TNKS: variants seen among roughly 807,000 people sequenced by gnomAD.
TNKS encodes the protein poly [ADP-ribose] polymerase tankyrase-1.
In TNKS, 72 loss-of-function variants were observed where a neutral mutation model predicts 135.8. That is an observed-to-expected ratio of 0.53 (90% confidence interval 0.44 to 0.64). The LOEUF (loss-of-function observed/expected upper bound fraction) is 0.64. TNKS is among the 30% of genes least tolerant of loss of function. The pLI, the probability that TNKS is intolerant of heterozygous loss-of-function variation, is 0.00. For synonymous variants in TNKS, 849 were observed against 649.3 expected, an observed-to-expected ratio of 1.31 and a Z score of -4.68; for missense variants, 1,769 against 1,674.0, an observed-to-expected ratio of 1.06 and a Z score of -0.99.
chr8:9,747,200 A>T (rs965621008), intron 17 of TNKS, among the ~76,000 whole-genome samples: 1 of 151,968 alleles, frequency 6.6e-6, no homozygotes, highest in Non-Finnish European at 1.5e-5. Context: ...AAACTTTTAC[A>T]ACTCAATTTC....
At chr8:9,731,141 AT>A (rs923514365) in intron 14 of TNKS, 106 bp downstream of exon 14, 13 of 1,295,520 alleles carry the variant, frequency 1.0e-5, no homozygotes, top group Admixed American at 6.5e-5. Flanking sequence ...AGTAATCGTT[AT>A]TTTTTGTTTA....
At chr8:9,695,982 C>T (rs1803494369) in intron 5 of TNKS, among the ~76,000 whole-genome samples, 1 of 152,150 alleles carries the variant, frequency 6.6e-6, no homozygotes, top group African/African-American at 2.4e-5. Flanking sequence ...AGAAGTCTTA[C>T]ATATATCATG....
intron 12 of TNKS, 146 bp from the exon 13 acceptor site, chr8:9,726,495 A>G (rs904732616): frequency 6.9e-6 from 4 of 576,516 alleles, no homozygotes; most frequent in Non-Finnish European, 9.0e-6. Flanking sequence ...AAGTTTTGCT[A>G]CAACATTTAG....
intron 1 of TNKS, among the ~76,000 whole-genome samples, chr8:9,571,756 G>A (rs961876632): frequency 1.4e-4 from 22 of 152,090 alleles, no homozygotes; most frequent in African/African-American, 4.8e-4. Flanking sequence ...GAGCCACCGC[G>A]CCCGGGGATT....
At chr8:9,665,961 C>T (rs1362216904) in intron 3 of TNKS, among the ~76,000 whole-genome samples, 1 of 152,092 alleles carries the variant, frequency 6.6e-6, no homozygotes, top group Non-Finnish European at 1.5e-5. Context: ...CTCTCTTCTT[C>T]CTCCCCTCCT....
chr8:9,668,661 A>T (rs1217395884), intron 3 of TNKS, among the ~76,000 whole-genome samples: 2 of 152,208 alleles, frequency 1.3e-5, no homozygotes, highest in African/African-American at 4.8e-5. Context: ...GAAGGAAGTT[A>T]TGTGTAAGTT....
rs1798333184 is a variant in TNKS at position 9,585,351 on chromosome 8, G to A, written c.898+4968G>A. Among the ~76,000 whole-genome samples, 5 of 151,096 alleles carry A rather than the reference G, an allele frequency of 3.3e-5. No individual in the cohort carries two copies. In the South Asian group the frequency reaches 1.0e-3, roughly 31 times the overall value. The stretch of plus-strand genomic sequence containing the variant: ...ACGTGATATGAGTTTCAGAGGCAGG[G>A]GAAAAAAGAAAAAAAAGTCTGATGG... On this transcript the variant is annotated intron_variant, in intron 2 of 26. Transcript: ENST00000310430.
At chr8:9,621,214 C>G (rs527577492) in intron 3 of TNKS, among the ~76,000 whole-genome samples, 2 of 151,910 alleles carry the variant, frequency 1.3e-5, no homozygotes, top group South Asian at 2.1e-4. Flanking sequence ...TCAGATGGCT[C>G]TTATGATTGA....
intron 7 of TNKS, 104 bp from the exon 8 acceptor site, chr8:9,706,707 T>A: frequency 2.7e-6 from 3 of 1,102,594 alleles, no homozygotes; most frequent in Non-Finnish European, 3.8e-6. Context: ...AACACTTATT[T>A]GAACAAGTTA....
chr8:9,679,281 C>T (rs567822684), intron 3 of TNKS, among the ~76,000 whole-genome samples: 8 of 152,110 alleles, frequency 5.3e-5, no homozygotes, highest in Non-Finnish European at 8.8e-5. Flanking sequence ...AAGATTACAG[C>T]ATGTCAGAAT....
In TNKS at chr8:9,657,025, T is replaced by C. The variant is rs1198997710; in HGVS notation, c.995-22926T>C. On this transcript the variant is annotated intron_variant, in intron 3 of 26. Coordinates refer to ENST00000310430, the MANE Select transcript of TNKS (RefSeq NM_003747.3). ...AAAGTCTCCCATGTCTACTTCTTTC[T>C]ACACAGACACGGCAACCATCCGATT... 5.6e-5 allele frequency among the ~76,000 whole-genome samples: 7 copies of C among 125,126 alleles called. No homozygotes were observed. The South Asian group carries it at 1.3e-3, about 23-fold the overall frequency. The allele number at this position is 125,126 out of a possible 152,430, so 82.1% of individuals were successfully genotyped here. A position where few individuals can be genotyped will look rare whatever the true frequency, so the allele number is the denominator to read the frequency against.
intron 5 of TNKS, among the ~76,000 whole-genome samples, chr8:9,682,589 A>G (rs569540041): frequency 6.6e-6 from 1 of 152,112 alleles, no homozygotes; most frequent in South Asian, 2.1e-4. Flanking sequence ...TAAAGTTCAT[A>G]AATATCTTTT....
intron 3 of TNKS, among the ~76,000 whole-genome samples, chr8:9,651,069 C>T (rs1268467176): frequency 1.3e-5 from 2 of 152,098 alleles, no homozygotes; most frequent in East Asian, 3.8e-4. Context: ...TTGTTAACTA[C>T]GGTGTCCTTT....
intron 11 of TNKS, among the ~76,000 whole-genome samples, chr8:9,715,008 C>A (rs1223608079): frequency 2.0e-5 from 3 of 151,980 alleles, no homozygotes; most frequent in East Asian, 3.9e-4. Context: ...AAGGAAAGAT[C>A]CTTTGAGGAT....
intron 12 of TNKS, among the ~76,000 whole-genome samples, chr8:9,722,197 C>G (rs1356256657): frequency 1.3e-5 from 2 of 151,788 alleles, no homozygotes; most frequent in Non-Finnish European, 2.9e-5. Flanking sequence ...AAACATGACC[C>G]CACAGATTTC....
intron 2 of TNKS, among the ~76,000 whole-genome samples, chr8:9,606,456 C>G (rs1403950447): frequency 6.6e-6 from 1 of 152,048 alleles, no homozygotes; most frequent in Non-Finnish European, 1.5e-5. Flanking sequence ...ACTGCACTGT[C>G]TTGATTACTA....
chr8:9,625,810 T>G (rs1394167918), intron 3 of TNKS, among the ~76,000 whole-genome samples: 17 of 152,194 alleles, frequency 1.1e-4, no homozygotes, highest in Admixed American at 1.1e-3. Flanking sequence ...TAGGACAAAG[T>G]TCATGGCTCA....
chr8:9,724,916 A>T (rs1234404040), intron 12 of TNKS, among the ~76,000 whole-genome samples: 1 of 152,194 alleles, frequency 6.6e-6, no homozygotes, highest in Admixed American at 6.5e-5. Context: ...TGCCATATTA[A>T]ATGTATCCTT....
intron 17 of TNKS, among the ~76,000 whole-genome samples, chr8:9,745,119 C>G (rs1806169465): frequency 6.6e-6 from 1 of 152,134 alleles, no homozygotes; most frequent in Non-Finnish European, 1.5e-5. Flanking sequence ...TGAAATTATT[C>G]CGTGCTTTTG....
Sources: gnomAD v4.1 joint callset for allele counts (sites outside exome capture counted in the v4.1 genomes callset) on GRCh38, gnomAD v4.1.1 for gene constraint, MANE v1.5 for transcripts, NCBI Gene and HGNC (gene_info 2026-07-23, HGNC 2026-07-21) for gene names.